ZBTB7C: variants seen among roughly 807,000 people sequenced by gnomAD.
The protein encoded by ZBTB7C is zinc finger and BTB domain containing 7C.
A neutral mutation model predicts 25.7 loss-of-function variants in ZBTB7C; 8 were observed. The observed-to-expected ratio is 0.31, with a 90% CI of 0.18 to 0.56. ZBTB7C has a LOEUF of 0.56. Ranked by LOEUF, ZBTB7C falls within the 20% of genes least tolerant of loss-of-function variation. ZBTB7C has a pLI of 0.91. For missense variants in ZBTB7C, 824 were observed against 855.2 expected (o/e 0.96, Z 0.46); for synonymous variants, 394 against 369.0 (o/e 1.07, Z -0.78).
intron 1 of ZBTB7C, among the ~76,000 whole-genome samples, chr18:48,353,822 A>G (rs1292202253): frequency 1.3e-5 from 2 of 152,280 alleles, no homozygotes; most frequent in Non-Finnish European, 2.9e-5. Context: ...AGGCTGCAGG[A>G]GCTGCCCACC....
At chr18:48,158,137 T>C (rs1476903475) in intron 3 of ZBTB7C, among the ~76,000 whole-genome samples, 1 of 152,172 alleles carries the variant, frequency 6.6e-6, no homozygotes, top group African/African-American at 2.4e-5. Flanking sequence ...AGAAGTTAAA[T>C]ATGCCCAGGT....
chr18:48,303,341 G>A (rs2045589236), intron 2 of ZBTB7C, among the ~76,000 whole-genome samples: 1 of 152,172 alleles, frequency 6.6e-6, no homozygotes, highest in African/African-American at 2.4e-5. Context: ...ATGAGACTCA[G>A]GGGCTCCTTT....
intron 3 of ZBTB7C, among the ~76,000 whole-genome samples, chr18:48,177,740 C>T (rs1333792760): frequency 6.6e-6 from 1 of 152,092 alleles, no homozygotes; most frequent in African/African-American, 2.4e-5. Flanking sequence ...CTTGTCCCTC[C>T]CACCCTACTC....
At chr18:48,290,888 CA>C (rs2045209399) in intron 2 of ZBTB7C, among the ~76,000 whole-genome samples, 1 of 152,236 alleles carries the variant, frequency 6.6e-6, no homozygotes, top group African/African-American at 2.4e-5. Context: ...GAACGAAAGT[CA>C]AAATTCCTGG....
intron 1 of ZBTB7C, chr18:48,364,137 T>C (rs2047172576): frequency 1.3e-5 from 2 of 152,228 alleles, no homozygotes; most frequent in African/African-American, 2.4e-5. Flanking sequence ...ATCCCTGTCT[T>C]TGTGCCCAAT....
At chr18:48,243,843 C>T (rs2043599943) in intron 2 of ZBTB7C, among the ~76,000 whole-genome samples, 1 of 152,118 alleles carries the variant, frequency 6.6e-6, no homozygotes, top group Non-Finnish European at 1.5e-5. Flanking sequence ...ACCAATGGAA[C>T]AGAATAGAGA....
chr18:48,201,118 GT>G (rs1486128604), intron 2 of ZBTB7C, among the ~76,000 whole-genome samples: 1 of 152,176 alleles, frequency 6.6e-6, no homozygotes, highest in Non-Finnish European at 1.5e-5. Context: ...GGCTACATAA[GT>G]ACAAAGTCAT....
chr18:48,199,053 C>T (rs188976596), intron 2 of ZBTB7C, among the ~76,000 whole-genome samples: 75 of 152,308 alleles, frequency 4.9e-4, no homozygotes, highest in Admixed American at 1.2e-3. Context: ...AAGGCACTGT[C>T]CCAGTAGCTT....
intron 2 of ZBTB7C, among the ~76,000 whole-genome samples, chr18:48,240,236 C>T (rs112681860): frequency 0.061 from 9,232 of 152,000 alleles, 456 homozygotes; most frequent in East Asian, 0.18. Context: ...CTAAGGATAA[C>T]TGGTGTTCCT....
At chr18:48,403,392 C>G (rs182010076) in intron 1 of ZBTB7C, among the ~76,000 whole-genome samples, 1 of 152,346 alleles carries the variant, frequency 6.6e-6, no homozygotes, top group East Asian at 1.9e-4. Context: ...CACCTTCCCT[C>G]CCTGCCTACA....
intron 3 of ZBTB7C, among the ~76,000 whole-genome samples, chr18:48,158,938 C>T (rs1157741620): frequency 1.3e-5 from 2 of 152,158 alleles, no homozygotes; most frequent in African/African-American, 4.8e-5. Flanking sequence ...CCTCCCCACA[C>T]AGGGTGAGCT....
chr18:48,096,558 G>A (rs1014026643), intron 3 of ZBTB7C, among the ~76,000 whole-genome samples: 4 of 152,120 alleles, frequency 2.6e-5, no homozygotes, highest in East Asian at 1.9e-4. Flanking sequence ...GCAGAGGGCC[G>A]GCTGGATATC....
intron 3 of ZBTB7C, among the ~76,000 whole-genome samples, chr18:48,066,364 T>C (rs905896352): frequency 2.0e-5 from 3 of 151,822 alleles, no homozygotes; most frequent in Non-Finnish European, 4.4e-5. Context: ...GGGGCGGAGG[T>C]GGGGGTGATG....
chr18:48,055,668 C>A (rs537389639), intron 3 of ZBTB7C, among the ~76,000 whole-genome samples: 3 of 152,198 alleles, frequency 2.0e-5, no homozygotes, highest in South Asian at 2.1e-4. Flanking sequence ...TTGCTCCCAG[C>A]CACAGGAGCC....
intron 1 of ZBTB7C, among the ~76,000 whole-genome samples, chr18:48,348,124 C>A (rs1171378357): frequency 6.6e-6 from 1 of 152,240 alleles, no homozygotes; most frequent in African/African-American, 2.4e-5. Flanking sequence ...TCACAACAAC[C>A]CTGCCCTTGA....
intron 2 of ZBTB7C, among the ~76,000 whole-genome samples, chr18:48,301,014 A>C (rs534686611): frequency 6.6e-6 from 1 of 152,358 alleles, no homozygotes; most frequent in South Asian, 2.1e-4. Context: ...CTGAGGACTC[A>C]GTAAGGTTGA....
intron 2 of ZBTB7C, among the ~76,000 whole-genome samples, chr18:48,335,830 G>A (rs2046446281): frequency 6.6e-6 from 1 of 152,164 alleles, no homozygotes; most frequent in African/African-American, 2.4e-5. Context: ...TAATATGTTA[G>A]ACCTACTGAG....
At chr18:48,330,422 C>CA (rs2046317551) in intron 2 of ZBTB7C, among the ~76,000 whole-genome samples, 1 of 152,188 alleles carries the variant, frequency 6.6e-6, no homozygotes, top group Non-Finnish European at 1.5e-5. Flanking sequence ...TCAGTGCCCC[C>CA]AAACAGCTCT....
chr18:48,248,106 C>A (rs1386126069), intron 2 of ZBTB7C, among the ~76,000 whole-genome samples: 1 of 152,202 alleles, frequency 6.6e-6, no homozygotes, highest in Non-Finnish European at 1.5e-5. Flanking sequence ...CCTTTACCTT[C>A]TGCCATGATT....
Sources: gnomAD v4.1 joint callset for allele counts (sites outside exome capture counted in the v4.1 genomes callset) on GRCh38, gnomAD v4.1.1 for gene constraint, MANE v1.5 for transcripts, NCBI Gene and HGNC (gene_info 2026-07-23, HGNC 2026-07-21) for gene names.